The following WDR7 variants were observed in gnomAD, a reference collection of about 807,000 sequenced individuals.
WDR7 encodes the protein WD repeat domain 7, also known as WD repeat-containing protein 7.
In WDR7, 46 loss-of-function variants were observed where a neutral mutation model predicts 169.4. The observed-to-expected ratio is 0.27, with a 90% CI of 0.21 to 0.35. The LOEUF (loss-of-function observed/expected upper bound fraction) is 0.35, where lower values mean the gene tolerates loss of function less well. Ranked by LOEUF, WDR7 falls within the 10% of genes least tolerant of loss-of-function variation. The pLI is 1.00. For synonymous variants in WDR7, 612 were observed against 666.8 expected (o/e 0.92, Z 1.27); for missense variants, 1,534 against 1,859.3 (o/e 0.83, Z 3.22).
chr18:56,713,332 A>G (rs1199970700), intron 12 of WDR7, among the ~76,000 whole-genome samples: 1 of 152,156 alleles, frequency 6.6e-6, no homozygotes, highest in Non-Finnish European at 1.5e-5. Flanking sequence ...ACATTTGAGA[A>G]ATGTTTATTC....
intron 22 of WDR7, among the ~76,000 whole-genome samples, chr18:56,932,722 G>A (rs2046902935): frequency 6.6e-6 from 1 of 152,190 alleles, no homozygotes; most frequent in Non-Finnish European, 1.5e-5. Flanking sequence ...CCATTTTACA[G>A]ATGATGTACT....
At chr18:56,883,236 A>G (rs2046137329) in intron 21 of WDR7, among the ~76,000 whole-genome samples, 1 of 149,340 alleles carries the variant, frequency 6.7e-6, no homozygotes, top group Non-Finnish European at 1.5e-5. Flanking sequence ...AAAAAGCAGG[A>G]AGGTGGTAAA....
chr18:56,837,370 TTAA>T (rs1568223736), intron 20 of WDR7, among the ~76,000 whole-genome samples: 1 of 152,192 alleles, frequency 6.6e-6, no homozygotes, highest in Non-Finnish European at 1.5e-5. Context: ...ATTGGATTTA[TTAA>T]TGTTTCTCAT....
intron 26 of WDR7, among the ~76,000 whole-genome samples, chr18:56,969,330 C>G (rs998053199): frequency 2.0e-5 from 3 of 152,318 alleles, no homozygotes; most frequent in South Asian, 2.1e-4. Context: ...CTAAATTAGG[C>G]TCTTGGCCTT....
At chr18:56,795,927 T>A (rs976246492) in intron 19 of WDR7, among the ~76,000 whole-genome samples, 1 of 152,364 alleles carries the variant, frequency 6.6e-6, no homozygotes, top group South Asian at 2.1e-4. Context: ...TGCACAATTA[T>A]ATTAGCTAAT....
Position 56,937,939 on chromosome 18 carries a change from G to A in WDR7, c.3832-594G>A, listed in dbSNP as rs575518652. 3.3e-5 allele frequency among the ~76,000 whole-genome samples: 5 copies of A among 152,236 alleles called. No individual in the cohort carries two copies. The East Asian group carries it at 9.6e-4, about 29-fold the overall frequency. On this transcript the variant is annotated intron_variant, in intron 23 of 27. Transcript: ENST00000254442. Reference sequence around the variant, plus strand: ...TGTAGTCTTACTATAAAGTAAACTAGAGAAAAGAAAATGTGAAGAAACTCA... The same window carrying A: ...TGTAGTCTTACTATAAAGTAAACTAAAGAAAAGAAAATGTGAAGAAACTCA...
chr18:56,896,163 A>ATT (rs1437302864), intron 21 of WDR7, among the ~76,000 whole-genome samples: 1 of 151,838 alleles, frequency 6.6e-6, no homozygotes, highest in Non-Finnish European at 1.5e-5. Context: ...AAAATTTAAA[A>ATT]TCTTACTGAA....
intron 21 of WDR7, among the ~76,000 whole-genome samples, chr18:56,914,127 C>T (rs1379587144): frequency 6.6e-6 from 1 of 152,216 alleles, no homozygotes; most frequent in Non-Finnish European, 1.5e-5. Flanking sequence ...CACTGCCATC[C>T]GGCCACACTG....
At chr18:56,654,940 G>C (rs2024734717) in intron 1 of WDR7, among the ~76,000 whole-genome samples, 1 of 152,164 alleles carries the variant, frequency 6.6e-6, no homozygotes, top group Non-Finnish European at 1.5e-5. Context: ...GTGTCACACT[G>C]TGTATTAAGT....
chr18:56,733,462 C>G, intron 14 of WDR7, among the ~76,000 whole-genome samples: 1 of 152,104 alleles, frequency 6.6e-6, no homozygotes, highest in Non-Finnish European at 1.5e-5. Flanking sequence ...TGGTACAGGA[C>G]TTACTCTAGG....
intron 21 of WDR7, among the ~76,000 whole-genome samples, chr18:56,923,116 A>G (rs1183592412): frequency 2.0e-5 from 3 of 152,214 alleles, no homozygotes; most frequent in Admixed American, 6.5e-5. Context: ...TCAAAAAAAC[A>G]AACAAACAAA....
At chr18:57,032,028 G>C (rs2048443862), downstream of WDR7, 2 of 152,208 alleles carry the variant, frequency 1.3e-5, no homozygotes, top group African/African-American at 4.8e-5. Flanking sequence ...GGGCTCCTGT[G>C]GTTCTGTTTG....
intron 19 of WDR7, among the ~76,000 whole-genome samples, chr18:56,805,637 AAG>A (rs1425486259): frequency 6.6e-6 from 1 of 151,990 alleles, no homozygotes; most frequent in African/African-American, 2.4e-5. Context: ...GATGACCAGA[AAG>A]AGAAATCATA....
chr18:56,797,350 A>C (rs1291812399), intron 19 of WDR7, among the ~76,000 whole-genome samples: 1 of 152,164 alleles, frequency 6.6e-6, no homozygotes, highest in African/African-American at 2.4e-5. Context: ...AAAGGACAAC[A>C]ACAACAATAA....
At chr18:56,675,358 T>A (rs183562932) in intron 2 of WDR7, among the ~76,000 whole-genome samples, 81 of 152,288 alleles carry the variant, frequency 5.3e-4, no homozygotes, top group African/African-American at 1.9e-3. Flanking sequence ...TGAATGCATT[T>A]CCATTTATTT....
chr18:57,032,812 T>TATACATATATATATAC (rs1317629754), downstream of WDR7: 1 of 34,582 alleles, frequency 2.9e-5, no homozygotes, highest in African/African-American at 1.9e-4. Flanking sequence ...TATATATATA[T>TATACATATATATATAC]ATATATATAT....
At chr18:56,686,167 C>T in intron 6 of WDR7, 135 bp downstream of exon 6, 3 of 670,784 alleles carry the variant, frequency 4.5e-6, no homozygotes, top group Non-Finnish European at 7.0e-6. Flanking sequence ...TTCTTATAGG[C>T]ATAGTATGGA....
intron 21 of WDR7, among the ~76,000 whole-genome samples, chr18:56,880,377 C>T (rs2046089722): frequency 6.6e-6 from 1 of 152,146 alleles, no homozygotes; most frequent in Non-Finnish European, 1.5e-5. Flanking sequence ...AAATGCTATT[C>T]TTAAAATAAC....
intron 13 of WDR7, among the ~76,000 whole-genome samples, chr18:56,730,521 C>G (rs562908228): frequency 6.6e-6 from 1 of 152,112 alleles, no homozygotes; most frequent in Non-Finnish European, 1.5e-5. Flanking sequence ...AATCCCAGCA[C>G]TTTGGGAGGC....
Sources: allele counts gnomAD v4.1 joint callset (sites outside exome capture counted in the v4.1 genomes callset), GRCh38; gene constraint gnomAD v4.1.1; transcripts MANE v1.5; gene names NCBI Gene and HGNC (gene_info 2026-07-23, HGNC 2026-07-21).